Variants in THOC5 observed in about 807,000 individuals in gnomAD.
THOC5 encodes Fms-interacting protein.
In THOC5, 43 loss-of-function variants were observed where a neutral mutation model predicts 92.9. That is an observed-to-expected ratio of 0.46 (90% CI 0.36 to 0.60). The LOEUF is 0.60. Ranked by LOEUF, THOC5 falls within the 20% of genes least tolerant of loss-of-function variation. The pLI is 0.00. For missense variants in THOC5, 659 were observed against 849.4 expected (o/e 0.78, Z 2.79); for synonymous variants, 296 against 320.1 (o/e 0.92, Z 0.80).
intron 5 of THOC5, 114 bp from the exon 6 acceptor site, chr22:29,539,590 T>C: frequency 6.2e-6 from 7 of 1,132,726 alleles, no homozygotes; most frequent in Non-Finnish European, 8.6e-6. Flanking sequence ...TACAGGATCC[T>C]GGAATCCAGT....
chr22:29,510,983 G>T, intron 19 of THOC5, 123 bp downstream of exon 19: 2 of 1,015,446 alleles, frequency 2.0e-6, no homozygotes, highest in Non-Finnish European at 3.0e-6. Context: ...GGACCAGAGT[G>T]ATAGGCATCG....
chr22:29,518,433 C>T (rs1392222424), intron 15 of THOC5, among the ~76,000 whole-genome samples: 1 of 152,176 alleles, frequency 6.6e-6, no homozygotes, highest in Non-Finnish European at 1.5e-5. Flanking sequence ...AAGAAGCCCC[C>T]AAATGCCACC....
At chr22:29,525,278 C>T (rs964280275) in intron 12 of THOC5, among the ~76,000 whole-genome samples, 2 of 152,008 alleles carry the variant, frequency 1.3e-5, no homozygotes, top group Non-Finnish European at 2.9e-5. Context: ...TGTGTATCAA[C>T]AAAAATAGAA....
intron 19 of THOC5, among the ~76,000 whole-genome samples, chr22:29,509,270 T>G (rs1231824822): frequency 7.0e-6 from 1 of 142,948 alleles, no homozygotes; most frequent in Non-Finnish European, 1.5e-5. Context: ...AGTGAGACTC[T>G]GTCTCAAAAA....
At chr22:29,525,778 A>C (rs2063529947) in intron 12 of THOC5, 60 bp downstream of exon 12, 1 of 1,371,686 alleles carries the variant, frequency 7.3e-7, no homozygotes. Context: ...GCAGCCCCAC[A>C]ATGAGGCTCT....
intron 14 of THOC5, 69 bp downstream of exon 14, chr22:29,519,939 T>A: frequency 7.2e-7 from 1 of 1,387,920 alleles, no homozygotes; most frequent in Non-Finnish European, 1.0e-6. Flanking sequence ...TGGCCTGGCC[T>A]TTCTAGAGTC....
intron 5 of THOC5, among the ~76,000 whole-genome samples, chr22:29,541,860 C>CAAAAAAAAA (rs1569230675): frequency 4.8e-5 from 1 of 20,984 alleles, no homozygotes; most frequent in Non-Finnish European, 1.1e-4. Flanking sequence ...GACTCCATCT[C>CAAAAAAAAA]CAAAAAAAAA....
chr22:29,547,339 G>T (rs1193206908), intron 2 of THOC5, among the ~76,000 whole-genome samples: 1 of 151,892 alleles, frequency 6.6e-6, no homozygotes, highest in African/African-American at 2.4e-5. Flanking sequence ...CCTCAGGCTG[G>T]ACCTTATTGT....
chr22:29,544,160 A>G (rs764421193), intron 3 of THOC5, among the ~76,000 whole-genome samples: 3 of 152,236 alleles, frequency 2.0e-5, no homozygotes, highest in African/African-American at 7.2e-5. Context: ...AAGCAAATGT[A>G]TAAGTACCAT....
In THOC5 at chr22:29,521,040, T is replaced by G; in HGVS notation, c.1235A>C (p.Lys412Thr). 8 of 1,614,172 alleles carry G rather than the reference T, an allele frequency of 5.0e-6. No individual in the cohort carries two copies. The highest frequency in any genetic ancestry group is 6.8e-6 in the Non-Finnish European group (8 of 1,180,034). The change falls in exon 13 of 20, where the codon AAA (lysine) becomes ACA (threonine). Residue 412 changes from lysine (K) to threonine (T), a missense_variant. Lys to Thr is a moderately conservative substitution (Grantham distance 78). Coordinates refer to ENST00000490103, the MANE Select transcript of THOC5 (RefSeq NM_003678.5). ...ATACTGATTGGCTGGATTCGGAGTT[T>G]TCTTTCCATGATCCCCAGGATACAA... is the stretch of plus-strand genomic sequence containing the variant. Reference protein sequence around the residue: ...SCLYPGDHGKKTPNPANQYQF... With the variant: ...SCLYPGDHGKTTPNPANQYQF...
At position 29,511,981 on chromosome 22, in the gene THOC5, G is replaced by A. The variant is rs761618609; in HGVS notation, c.1797+40C>T. Reference sequence around the variant, plus strand: ...TCTGCCACGGCCACCTCCCCCGGGAGCTCTGCCTGCTCCTCCTGTCATCCC... The same window carrying A: ...TCTGCCACGGCCACCTCCCCCGGGAACTCTGCCTGCTCCTCCTGTCATCCC... On this transcript the variant is annotated intron_variant, in intron 18 of 19. Coordinates refer to ENST00000490103, the MANE Select transcript of THOC5 (RefSeq NM_003678.5). 1.3e-5 allele frequency: 21 copies of A among 1,575,456 alleles called. No homozygotes were observed. The African/African-American group carries it at 2.8e-4, about 21-fold the overall frequency.
At chr22:29,524,100 A>C (rs1171970400) in intron 12 of THOC5, among the ~76,000 whole-genome samples, 2 of 152,200 alleles carry the variant, frequency 1.3e-5, no homozygotes, top group African/African-American at 2.4e-5. Context: ...ACCTAATCCC[A>C]GTTTCACAGT....
intron 17 of THOC5, among the ~76,000 whole-genome samples, chr22:29,516,259 A>C (rs1320966320): frequency 2.0e-5 from 3 of 152,196 alleles, no homozygotes; most frequent in Non-Finnish European, 2.9e-5. Context: ...GGGAGGCCTC[A>C]ACTGTATCTG....
chr22:29,520,459 G>A (rs1242543366), intron 13 of THOC5, among the ~76,000 whole-genome samples: 5 of 152,062 alleles, frequency 3.3e-5, no homozygotes, highest in African/African-American at 7.3e-5. Flanking sequence ...ATTGTATCAC[G>A]TATTATTATG....
intron 5 of THOC5, among the ~76,000 whole-genome samples, chr22:29,540,675 T>G (rs1373146489): frequency 6.6e-6 from 1 of 152,218 alleles, no homozygotes; most frequent in African/African-American, 2.4e-5. Flanking sequence ...TTTTGATACC[T>G]TTTTAATTTG....
intron 2 of THOC5, among the ~76,000 whole-genome samples, chr22:29,546,552 TGGAGATTACA>T (rs55710710): frequency 0.8 from 121,461 of 151,402 alleles, 48,966 homozygotes; most frequent in African/African-American, 0.88. Flanking sequence ...GCCTCAGGCT[TGGAGATTACA>T]GTGGGTAGCT....
Position 29,508,355 on chromosome 22 carries a change from T to G in THOC5, c.*102A>C, listed in dbSNP as rs1601366899. 3 of 1,237,650 alleles carry G rather than the reference T, an allele frequency of 2.4e-6. No homozygotes were observed. The allele number at this position is 1,237,650 out of a possible 1,614,324, so 76.7% of individuals were successfully genotyped here. A position where few individuals can be genotyped will look rare whatever the true frequency, so the allele number is the denominator to read the frequency against. On this transcript the variant is annotated 3_prime_UTR_variant, in exon 20 of 20. Transcript: ENST00000490103. ...CAGGTGACGCTTTTTAATTGGCTGG[T>G]GTCTTTGGAGAATATCAAGAGTCAC...
intron 5 of THOC5, among the ~76,000 whole-genome samples, chr22:29,540,114 T>C (rs936675006): frequency 6.6e-6 from 1 of 152,126 alleles, no homozygotes; most frequent in Non-Finnish European, 1.5e-5. Flanking sequence ...ACCCCGTCTC[T>C]ACTAAAAATT....
At chr22:29,531,174 A>G in intron 8 of THOC5, 2 of 1,111,506 alleles carry the variant, frequency 1.8e-6, no homozygotes, top group Non-Finnish European at 2.2e-6. Flanking sequence ...AGGAAGACAC[A>G]AGAAGAGACA....
Sources: allele counts gnomAD v4.1 joint callset (sites outside exome capture counted in the v4.1 genomes callset), GRCh38; gene constraint gnomAD v4.1.1; transcripts MANE v1.5; gene names NCBI Gene and HGNC (gene_info 2026-07-23, HGNC 2026-07-21).